STK25: variants seen among roughly 807,000 people sequenced by gnomAD.
STK25 encodes serine/threonine kinase 25, also known as serine/threonine-protein kinase 25.
Under a neutral mutation model 53.8 loss-of-function variants are expected in STK25, and 29 were observed. That is an observed-to-expected ratio of 0.54 (90% CI 0.40 to 0.74). The LOEUF (loss-of-function observed/expected upper bound fraction) is 0.74. Among genes scored for constraint, STK25 ranks in the 30% least tolerant of loss-of-function variants. The probability of loss-of-function intolerance (pLI) is 0.00; values close to 1 mark genes in which losing one functional copy is unlikely to be tolerated. For missense variants in STK25, 420 were observed against 568.0 expected (o/e 0.74, Z 2.65); for synonymous variants, 247 against 238.3 (o/e 1.04, Z -0.33).
Position 241,500,761 on chromosome 2 carries a change from G to A in STK25, c.297C>T (p.Gly99=), listed in dbSNP as rs527717213. 1.6e-4 allele frequency: 264 copies of A among 1,613,908 alleles called. 4 individuals carry two copies. In the South Asian group the frequency reaches 1.7e-3, roughly 10 times the overall value. ...TKLWIIMEYL[G]GGSALDLLKP... is the part of the protein sequence containing the mutation. ...TCACCAAGTCCAGTGCTGAGCCGCC[G>A]CCCAGGTACTCCATGATGATCCATA... The change falls in exon 4 of 12, where the codon GGC becomes GGT. Residue 99 remains glycine (G), a synonymous_variant. Transcript: ENST00000316586.
chr2:241,509,001 C>T (rs546562431), upstream of STK25, among the ~76,000 whole-genome samples: 1 of 152,230 alleles, frequency 6.6e-6, no homozygotes, highest in Non-Finnish European at 1.5e-5. Flanking sequence ...GGCGCCCTCC[C>T]CGCCTCGCCA....
At position 241,501,399 on chromosome 2, in the gene STK25, G is replaced by T. The variant is rs540735668; in HGVS notation, c.261+79C>A. ...CGTCAAGACCGCCTTGCACCCTCTG[G>T]CATGTCACTCAGTCCCTCTGACATG... On this transcript the variant is annotated intron_variant, in intron 3 of 11. Transcript: ENST00000316586. The surrounding 1 kb of genome is among the most constrained non-coding windows in gnomAD (Gnocchi z 5.3). 2.0e-5 allele frequency: 28 copies of T among 1,403,702 alleles called. No homozygotes were observed. The African/African-American group carries it at 4.0e-4, about 20-fold the overall frequency. The allele number at this position is 1,403,702 out of a possible 1,614,324, so 87.0% of individuals were successfully genotyped here.
At chr2:241,497,237 T>C (rs2124950716) in intron 10 of STK25, 3 of 192,514 alleles carry the variant, frequency 1.6e-5, no homozygotes, top group South Asian at 2.2e-4. Flanking sequence ...CTGTATCACA[T>C]TTCTGAGGAC....
chr2:241,499,692 G>A, intron 5 of STK25: 1 of 538,818 alleles, frequency 1.9e-6, no homozygotes. Flanking sequence ...GCCCACTGGG[G>A]GCTACCGCAG....
At chr2:241,508,213 T>G (rs941065226) in intron 1 of STK25, 78 bp from the exon 2 acceptor site, 45 of 1,286,482 alleles carry the variant, frequency 3.5e-5, no homozygotes, top group African/African-American at 3.0e-4. Flanking sequence ...GCTCCATGGG[T>G]GGGGGGGGGC....
At chr2:241,499,678 C>T (rs2065387489) in intron 5 of STK25, 4 of 559,328 alleles carry the variant, frequency 7.2e-6, no homozygotes, top group Non-Finnish European at 1.3e-5. Flanking sequence ...CGACAAGCGA[C>T]TTCGCCCACT....
rs375172297 is a variant in STK25, at chr2:241,498,823, C to T, written c.772-39G>A. On this transcript the variant is annotated intron_variant, in intron 7 of 11. Coordinates refer to ENST00000316586, the MANE Select transcript of STK25 (RefSeq NM_001271977.2). ...GGGGAACACTAGTCACTGGGCCCAG[C>T]CAAGCTCTGCCTAAGGGAAGCAAAC... The T allele has an allele frequency of 2.9e-5, 46 of 1,612,048 alleles. 1 individual carries two copies. The African/African-American group carries it at 5.7e-4, about 20-fold the overall frequency.
In STK25 at chr2:241,501,524, T is replaced by C; in HGVS notation, c.215A>G (p.Gln72Arg). The change falls in exon 3 of 12, where the codon CAG becomes CGG. Residue 72 changes from glutamine to arginine, a missense_variant. Transcript: ENST00000316586. The surrounding 1 kb of genome is among the most constrained non-coding windows in gnomAD (Gnocchi z 5.3). Reference protein sequence around the residue: ...DIQQEITVLSQCDSPYITRYF... With the variant: ...DIQQEITVLSRCDSPYITRYF... The stretch of plus-strand genomic sequence containing the variant: ...GCGGGTGATGTAGGGGCTGTCGCAC[T>C]GACTGAGGACAGTGATCTCCTGCTG... 1 of 1,614,134 alleles carries C rather than the reference T, an allele frequency of 6.2e-7. No individual in the cohort carries two copies. The highest frequency in any genetic ancestry group is 1.3e-5 in the African/African-American group (1 of 75,068).
Position 241,495,715 on chromosome 2 carries a change from A to G in STK25, c.1242-14T>C. The G allele has an allele frequency of 6.2e-7, 1 of 1,613,914 alleles. No individual in the cohort carries two copies. The highest frequency in any genetic ancestry group is 8.5e-7 in the Non-Finnish European group (1 of 1,179,828). ...TTGTGTGAAAACCTGCAGAGAGAAG[A>G]GCCCACTGCTGCGTGCGTGCACCTC... On this transcript the variant is annotated splice_polypyrimidine_tract_variant and intron_variant, in intron 11 of 11. Transcript: ENST00000316586.
At chr2:241,499,501 C>T in intron 5 of STK25, 87 bp from the exon 6 acceptor site, 1 of 1,505,482 alleles carries the variant, frequency 6.6e-7, no homozygotes, top group East Asian at 2.4e-5. Flanking sequence ...GTACCATCCA[C>T]CTGGCCTCCT....
upstream of STK25, chr2:241,508,777 G>GA: frequency 1.0e-6 from 1 of 983,444 alleles, no homozygotes; most frequent in Non-Finnish European, 1.2e-6. Context: ...TCCTGCTCCC[G>GA]AAAGGTTTGG....
Position 241,501,316 on chromosome 2 carries a change from G to A in STK25, c.261+162C>T. 1 of 711,022 alleles carries A rather than the reference G, an allele frequency of 1.4e-6. No homozygotes were observed. Among genetic ancestry groups the A allele is most frequent in the South Asian group, 1.7e-5 (1 of 60,084 alleles). 44.0% of individuals were successfully genotyped at this position (711,022 alleles called of 1,614,324 possible). On this transcript the variant is annotated intron_variant, in intron 3 of 11. Transcript: ENST00000316586. The surrounding 1 kb of genome is among the most constrained non-coding windows in gnomAD (Gnocchi z 5.3). ...CCATTTAGAGCCAACTGACCCTCGTGGACGAGGGCTCACACCCTGCCTGCC... is the reference window on the plus strand; with the variant it reads ...CCATTTAGAGCCAACTGACCCTCGTAGACGAGGGCTCACACCCTGCCTGCC...
intron 2 of STK25, chr2:241,504,176 G>A (rs2065682526): frequency 1.1e-5 from 5 of 466,518 alleles, no homozygotes; most frequent in Non-Finnish European, 2.2e-5. Context: ...AAGGCCCGGG[G>A]GTGTGCAGGT....
intron 5 of STK25, 111 bp from the exon 6 acceptor site, chr2:241,499,525 G>T: frequency 7.2e-7 from 1 of 1,392,808 alleles, no homozygotes; most frequent in Non-Finnish European, 9.6e-7. Flanking sequence ...GCACAGCAGG[G>T]CTGTCCTCAG....
intron 2 of STK25, among the ~76,000 whole-genome samples, chr2:241,505,471 G>A (rs1208137767): frequency 6.6e-6 from 1 of 152,116 alleles, no homozygotes; most frequent in African/African-American, 2.4e-5. Flanking sequence ...GCCATGACCT[G>A]GCAGCATTAC....
chr2:241,495,983 G>C (rs946545427), intron 11 of STK25, among the ~76,000 whole-genome samples: 3 of 152,254 alleles, frequency 2.0e-5, no homozygotes, highest in African/African-American at 7.2e-5. Flanking sequence ...CCGTTGGGCG[G>C]TGGAGGGCCC....
rs750386279 is a variant in STK25 at position 241,494,399 on chromosome 2, C to T, written c.*1263G>A. 1.7e-4 allele frequency: 48 copies of T among 279,288 alleles called. No homozygotes were observed. The highest frequency in any genetic ancestry group is 2.5e-4 in the Non-Finnish European group (37 of 149,280). The allele number at this position is 279,288 out of a possible 1,614,324, so 17.3% of individuals were successfully genotyped here. ...CAAGCCACAGCTCCCAGGCCCCTGG[C>T]TCAAAGACGCAGACAAGGCCTGAGC... On this transcript the variant is annotated 3_prime_UTR_variant, in exon 12 of 12. Coordinates refer to ENST00000316586, the MANE Select transcript of STK25 (RefSeq NM_001271977.2). This position sits in a 1 kb window ranked among gnomAD's most constrained non-coding sequence, Gnocchi z 4.9.
chr2:241,499,117 T>G lies in STK25; in HGVS notation c.643A>C (p.Asn215His), dbSNP rs1252732495. 6.2e-7 allele frequency: 1 copy of G among 1,613,882 alleles called. No individual in the cohort carries two copies. Among genetic ancestry groups the G allele is most frequent in the Middle Eastern group, 1.6e-4 (1 of 6,062 alleles). Residue 215 changes from asparagine (N) to histidine (H), a missense_variant, in exon 7 of 12, where the codon AAC (asparagine) becomes CAC (histidine). Coordinates refer to ENST00000316586, the MANE Select transcript of STK25 (RefSeq NM_001271977.2). Reference sequence around the variant, plus strand: ...ACGCGCATGGGGTGGAGGTCAGAGTTTGGAGGCTCCCCCTTGGCCAGCTCG... The same window carrying G: ...ACGCGCATGGGGTGGAGGTCAGAGTGTGGAGGCTCCCCCTTGGCCAGCTCG... ...AIELAKGEPP[N>H]SDLHPMRVLF...
At chr2:241,505,777 G>A (rs986968740) in intron 2 of STK25, among the ~76,000 whole-genome samples, 1 of 152,214 alleles carries the variant, frequency 6.6e-6, no homozygotes, top group African/African-American at 2.4e-5. Flanking sequence ...CAATGACATC[G>A]CAGGCCAAGC....
Sources: gnomAD v4.1 joint callset for allele counts (sites outside exome capture counted in the v4.1 genomes callset) on GRCh38, gnomAD v4.1.1 for gene constraint, Gnocchi (gnomAD v3.1) non-coding constraint, MANE v1.5 for transcripts, NCBI Gene and HGNC (gene_info 2026-07-23, HGNC 2026-07-21) for gene names.